Variants in BTN3A1 observed in about 807,000 individuals in gnomAD.
BTN3A1 encodes the protein butyrophilin subfamily 3 member A1, also known as dJ45P21.3 (butyrophilin, subfamily 3, member A1).
BTN3A1 carries 24 observed loss-of-function variants against 43.0 expected under a neutral mutation model. That is an observed-to-expected ratio of 0.56 (90% CI 0.40 to 0.78). The LOEUF is 0.78. Ranked by LOEUF, BTN3A1 falls within the 30% of genes least tolerant of loss-of-function variation. The pLI is 0.00. For missense variants in BTN3A1, 533 were observed against 626.2 expected, an observed-to-expected ratio of 0.85 and a Z score of 1.59; for synonymous variants, 181 against 234.7, an observed-to-expected ratio of 0.77 and a Z score of 2.09.
At position 26,415,038 on chromosome 6, in the gene BTN3A1, A is replaced by G. The variant is rs138123948; in HGVS notation, c.*1346A>G. 5 of 152,268 alleles carry G rather than the reference A, an allele frequency of 3.3e-5. No individual in the cohort carries two copies. The highest frequency in any genetic ancestry group is 4.8e-5 in the African/African-American group (2 of 41,550). The allele number at this position is 152,268 out of a possible 1,614,324, so 9.4% of individuals were successfully genotyped here. A position where few individuals can be genotyped will look rare whatever the true frequency, so the allele number is the denominator to read the frequency against. On this transcript the variant is annotated 3_prime_UTR_variant, in exon 10 of 10. Coordinates refer to ENST00000289361, the MANE Select transcript of BTN3A1 (RefSeq NM_007048.6). ...GACTCTGTCTCCAGGAGAGGGGTCT[A>G]TCCACCCCTGCTCATTGGTGGATGT... is the stretch of plus-strand genomic sequence containing the variant.
Position 26,407,929 on chromosome 6 carries a change from A to G in BTN3A1, c.692A>G (p.Lys231Arg), listed in dbSNP as rs1182604848. The change falls in exon 4 of 10, where the codon AAG becomes AGG. Residue 231 changes from lysine to arginine, a missense_variant. Around this residue, in one of 4 missense-constraint regions of BTN3A1, gnomAD observed 415 missense variants for 427.0 expected, o/e 0.97. Coordinates refer to ENST00000289361, the MANE Select transcript of BTN3A1 (RefSeq NM_007048.6). Reference sequence around the variant, plus strand: ...AGAAGTTCCCTCCTCGGCCTGGAAAAGACAGCCAGCATTTCCATCGCAGGT... The same window carrying G: ...AGAAGTTCCCTCCTCGGCCTGGAAAGGACAGCCAGCATTTCCATCGCAGGT... Reference protein sequence around the residue: ...TIRSSLLGLEKTASISIADPF... With the variant: ...TIRSSLLGLERTASISIADPF... The G allele has an allele frequency of 1.2e-6, 2 of 1,614,012 alleles. No homozygotes were observed. Among genetic ancestry groups the G allele is most frequent in the Non-Finnish European group, 8.5e-7 (1 of 1,180,000 alleles).
chr6:26,409,818 A>C, intron 5 of BTN3A1, 76 bp from the exon 6 acceptor site: 2 of 1,612,052 alleles, frequency 1.2e-6, no homozygotes, highest in Non-Finnish European at 1.7e-6. Flanking sequence ...CGCAGAGCTC[A>C]GTTGCTTTTA....
intron 9 of BTN3A1, chr6:26,411,837 G>C: frequency 4.3e-6 from 2 of 468,914 alleles, no homozygotes; most frequent in East Asian, 3.7e-5. Flanking sequence ...ACATATAAAG[G>C]GTGGATCTGA....
Position 26,413,777 on chromosome 6 carries a change from GT to G in BTN3A1, c.*86del. 6.2e-7 allele frequency: 1 copy of G among 1,602,416 alleles called. No homozygotes were observed. The highest frequency in any genetic ancestry group is 2.2e-5 in the East Asian group (1 of 44,874). ...GTAACCCCGGGCTTAGCTAACGAAA[GT>G]GGGGAGCCTCAGGCTGAAGTAACTT... On this transcript the variant is annotated 3_prime_UTR_variant, in exon 10 of 10. Coordinates refer to ENST00000289361, the MANE Select transcript of BTN3A1 (RefSeq NM_007048.6).
chr6:26,409,594 G>T lies in BTN3A1; in HGVS notation c.777G>T (p.Leu259Phe), dbSNP rs779377263. The T allele has an allele frequency of 6.2e-7, 1 of 1,613,676 alleles. No individual in the cohort carries two copies. The highest frequency in any genetic ancestry group is 2.2e-5 in the East Asian group (1 of 44,872). Residue 259 changes from leucine (L) to phenylalanine (F), a missense_variant, in exon 5 of 10, where the codon TTG (leucine) becomes TTT (phenylalanine). Leu to Phe is a conservative substitution (Grantham distance 22). Transcript: ENST00000289361. ...CCCTGGCAGGGACCCTGCCTGTCTT[G>T]CTGCTGCTTCTTGGGGGAGCCGGTT... Reference protein sequence around the residue: ...IAALAGTLPVLLLLLGGAGYF... With the variant: ...IAALAGTLPVFLLLLGGAGYF...
rs779285604 is a variant in BTN3A1, at chr6:26,413,273, C to T, written c.1123C>T (p.Pro375Ser). 1.2e-6 allele frequency: 2 copies of T among 1,614,136 alleles called. No individual in the cohort carries two copies. Among genetic ancestry groups the T allele is most frequent in the Non-Finnish European group, 1.7e-6 (2 of 1,180,030 alleles). The change falls in exon 10 of 10, where the codon CCT becomes TCT. Residue 375 changes from proline to serine, a missense_variant. Pro to Ser is a moderately conservative substitution (Grantham distance 74). Transcript: ENST00000289361. ...GGAGCCCCAGGATCTGCCAGACAAC[C>T]CTGAGAGATTTAATTGGCATTATTG... is the stretch of plus-strand genomic sequence containing the variant. ...AKEPQDLPDN[P>S]ERFNWHYCVL...
At position 26,409,733 on chromosome 6, in the gene BTN3A1, G is replaced by A; in HGVS notation, c.916G>A (p.Val306Met). The A allele has an allele frequency of 6.4e-7, 1 of 1,572,126 alleles. No homozygotes were observed. Residue 306 changes from valine (V) to methionine (M), a missense_variant and splice_region_variant, in exon 5 of 10, where the codon GTG becomes ATG. Physicochemically the swap from Val to Met is conservative, Grantham distance 21. Coordinates refer to ENST00000289361, the MANE Select transcript of BTN3A1 (RefSeq NM_007048.6). Reference sequence around the variant, plus strand: ...AATGAAGCAAGAACAAAGCACAAGAGGTAGCTGACCTTGGGAGTTTATCTG... The same window carrying A: ...AATGAAGCAAGAACAAAGCACAAGAAGTAGCTGACCTTGGGAGTTTATCTG... The part of the protein sequence containing the change: ...STMKQEQSTR[V>M]KLLEELRWRS...
intron 3 of BTN3A1, among the ~76,000 whole-genome samples, chr6:26,406,553 TAC>T (rs1762026393): frequency 6.6e-6 from 1 of 152,266 alleles, no homozygotes; most frequent in Admixed American, 6.5e-5. Flanking sequence ...CAGTGACTAG[TAC>T]ACAGTCATTC....
Position 26,413,365 on chromosome 6 carries a change from A to G in BTN3A1, c.1215A>G (p.Lys405=), listed in dbSNP as rs1762285469. The change falls in exon 10 of 10, where the codon AAA becomes AAG. Residue 405 remains lysine (K), a synonymous_variant. Transcript: ENST00000289361. ...HYWEVEVGDR[K]EWHIGVCSKN... Reference sequence around the variant, plus strand: ...GGGAGGTGGAGGTAGGGGACAGGAAAGAGTGGCATATAGGGGTGTGCAGTA... The same window carrying G: ...GGGAGGTGGAGGTAGGGGACAGGAAGGAGTGGCATATAGGGGTGTGCAGTA... 6.2e-7 allele frequency: 1 copy of G among 1,614,066 alleles called. No homozygotes were observed. The highest frequency in any genetic ancestry group is 1.7e-5 in the Admixed American group (1 of 60,002).
intron 5 of BTN3A1, 29 bp downstream of exon 5, chr6:26,409,762 C>T: frequency 6.3e-7 from 1 of 1,579,300 alleles, no homozygotes; most frequent in Non-Finnish European, 8.6e-7. Flanking sequence ...TTATCTGAGC[C>T]CCTGGCTTAC....
chr6:26,408,213 G>T (rs931468007), intron 4 of BTN3A1, among the ~76,000 whole-genome samples: 1 of 151,960 alleles, frequency 6.6e-6, no homozygotes, highest in African/African-American at 2.4e-5. Context: ...GATAAGCTGC[G>T]TATGTAAAGT....
At chr6:26,410,524 G>A (rs903986069) in intron 7 of BTN3A1, among the ~76,000 whole-genome samples, 4 of 152,080 alleles carry the variant, frequency 2.6e-5, no homozygotes, top group African/African-American at 9.7e-5. Context: ...AATCTGAAAA[G>A]AGAGAGGGAG....
rs115940477 is a variant in BTN3A1, at chr6:26,414,139, C to T, written c.*447C>T. On this transcript the variant is annotated 3_prime_UTR_variant, in exon 10 of 10. Transcript: ENST00000289361. ...GATGTCACTCCTTTAATCCTCGCAA[C>T]ACCCTGTCGGGTAGTCTCATTTAGC... 3,185 of 214,410 alleles carry T rather than the reference C, an allele frequency of 0.015. 91 individuals are homozygous for T. Among genetic ancestry groups the T allele is most frequent in the African/African-American group, 0.066 (2,823 of 42,988 alleles). 13.3% of individuals were successfully genotyped at this position (214,410 alleles called of 1,614,324 possible).
At chr6:26,412,995 T>A in intron 9 of BTN3A1, 174 bp from the exon 10 acceptor site, 4 of 1,461,634 alleles carry the variant, frequency 2.7e-6, no homozygotes, top group Non-Finnish European at 3.6e-6. Context: ...ACAAGATACC[T>A]GATACCTGGG....
Position 26,406,119 on chromosome 6 carries a change from T to C in BTN3A1, c.296T>C (p.Ile99Thr). ...QSAPYRGRTSILRDGITAGKA... is the reference protein window; with the variant it reads ...QSAPYRGRTSTLRDGITAGKA... Reference sequence around the variant, plus strand: ...GCACCGTATCGAGGGAGAACTTCGATTCTGCGGGATGGCATCACTGCAGGG... The same window carrying C: ...GCACCGTATCGAGGGAGAACTTCGACTCTGCGGGATGGCATCACTGCAGGG... The change falls in exon 3 of 10, where the codon ATT becomes ACT. Residue 99 changes from isoleucine to threonine, a missense_variant. By Grantham distance (89) the Ile-to-Thr change is moderately conservative. Around this residue, in one of 4 missense-constraint regions of BTN3A1, gnomAD observed 51 missense variants for 90.9 expected, o/e 0.56. Coordinates refer to ENST00000289361, the MANE Select transcript of BTN3A1 (RefSeq NM_007048.6). 4 of 1,577,654 alleles carry C rather than the reference T, an allele frequency of 2.5e-6. No individual in the cohort carries two copies. Among genetic ancestry groups the C allele is most frequent in the Non-Finnish European group, 3.5e-6 (4 of 1,157,644 alleles).
chr6:26,404,984 A>G (rs993698511), intron 1 of BTN3A1, among the ~76,000 whole-genome samples: 5 of 152,314 alleles, frequency 3.3e-5, no homozygotes, highest in Middle Eastern at 6.8e-3. Context: ...AGAAAAGGTA[A>G]GTAAGGCCTG....
At position 26,412,237 on chromosome 6, in the gene BTN3A1, G is replaced by A. The variant is rs144961171; in HGVS notation, c.1018+656G>A. On this transcript the variant is annotated intron_variant, in intron 9 of 9. Transcript: ENST00000289361. Reference sequence around the variant, plus strand: ...GCTGTCTCCACTCCTACACTGGGACGGCTAGGGAGGGGAGGCAGTTACTGG... The same window carrying A: ...GCTGTCTCCACTCCTACACTGGGACAGCTAGGGAGGGGAGGCAGTTACTGG... The A allele has an allele frequency of 1.5e-3, 846 of 575,894 alleles. 7 individuals are homozygous for A. The highest frequency in any genetic ancestry group is 0.015 in the African/African-American group (776 of 53,124). The allele number at this position is 575,894 out of a possible 1,614,324, so 35.7% of individuals were successfully genotyped here.
In BTN3A1 at chr6:26,407,684, T is replaced by G; in HGVS notation, c.447T>G (p.Asp149Glu). 6.2e-7 allele frequency: 1 copy of G among 1,614,220 alleles called. No homozygotes were observed. The highest frequency in any genetic ancestry group is 8.5e-7 in the Non-Finnish European group (1 of 1,180,030). Residue 149 changes from aspartate (D) to glutamate (E), a missense_variant, in exon 4 of 10, where the codon GAT (aspartate) becomes GAG (glutamate). By Grantham distance (45) the Asp-to-Glu change is conservative (BLOSUM62 2). Around this residue, in one of 4 missense-constraint regions of BTN3A1, gnomAD observed 51 missense variants for 90.9 expected, o/e 0.56. Coordinates refer to ENST00000289361, the MANE Select transcript of BTN3A1 (RefSeq NM_007048.6). The stretch of plus-strand genomic sequence containing the variant: ...ATCCTTCCACAGCACTGGGTTCTGA[T>G]CTTCACGTTGATGTGAAGGGTTACA... Reference protein sequence around the residue: ...VELKVAALGSDLHVDVKGYKD... With the variant: ...VELKVAALGSELHVDVKGYKD...
At position 26,409,703 on chromosome 6, in the gene BTN3A1, A is replaced by T. The variant is rs560433214; in HGVS notation, c.886A>T (p.Ser296Cys). 1 of 1,577,926 alleles carries T rather than the reference A, an allele frequency of 6.3e-7. No homozygotes were observed. The highest frequency in any genetic ancestry group is 2.2e-5 in the East Asian group (1 of 44,716). Residue 296 changes from serine (S) to cysteine (C), a missense_variant, in exon 5 of 10, where the codon AGC becomes TGC. This residue lies in a region of BTN3A1 where 415 missense variants were observed against 427.0 expected (regional missense o/e 0.97). Transcript: ENST00000289361. ...REQELREMAW[S>C]TMKQEQSTRV... ...GCAAGAGTTGAGAGAAATGGCATGG[A>T]GCACAATGAAGCAAGAACAAAGCAC...
Sources: allele counts gnomAD v4.1 joint callset (sites outside exome capture counted in the v4.1 genomes callset), GRCh38; gene constraint gnomAD v4.1.1; regional missense constraint gnomAD v4.1.1; transcripts MANE v1.5; gene names NCBI Gene and HGNC (gene_info 2026-07-23, HGNC 2026-07-21).